Variants in INPP5F observed in about 807,000 individuals in gnomAD.
INPP5F encodes the protein phosphatidylinositide 4-phosphatase SAC2.
A neutral mutation model predicts 137.2 loss-of-function variants in INPP5F; 97 were observed. That is an observed-to-expected ratio of 0.71 (90% CI 0.60 to 0.84). INPP5F has a LOEUF of 0.84. INPP5F is among the 40% of genes least tolerant of loss of function. The pLI, the probability that INPP5F is intolerant of heterozygous loss-of-function variation, is 0.00. For synonymous variants in INPP5F, 504 were observed against 476.9 expected (o/e 1.06, Z -0.74); for missense variants, 1,271 against 1,371.9 (o/e 0.93, Z 1.16).
chr10:119,749,120 G>T (rs1848621449), intron 1 of INPP5F, among the ~76,000 whole-genome samples: 2 of 152,264 alleles, frequency 1.3e-5, no homozygotes, highest in African/African-American at 4.8e-5. Flanking sequence ...ACCAGAGCAG[G>T]TGCTGGGAGC....
chr10:119,750,770 C>T (rs1848668749), intron 1 of INPP5F, among the ~76,000 whole-genome samples: 1 of 152,154 alleles, frequency 6.6e-6, no homozygotes, highest in Non-Finnish European at 1.5e-5. Flanking sequence ...CTCCGTTTGT[C>T]CTCTTGTAGT....
intron 13 of INPP5F, among the ~76,000 whole-genome samples, chr10:119,809,611 G>C (rs1202827532): frequency 1.3e-5 from 2 of 152,196 alleles, no homozygotes; most frequent in African/African-American, 4.8e-5. Flanking sequence ...AGGTGCTGGT[G>C]ATGTGCAGCA....
At chr10:119,776,381 G>A (rs764624722) in intron 2 of INPP5F, among the ~76,000 whole-genome samples, 54 of 151,914 alleles carry the variant, frequency 3.6e-4, no homozygotes, top group Non-Finnish European at 6.5e-4. Context: ...GAATGTGTAA[G>A]TTGAGTTTAA....
chr10:119,822,653 T>G lies in INPP5F; in HGVS notation c.2032+149T>G, dbSNP rs775014770. The G allele has an allele frequency of 5.4e-6, 3 of 553,214 alleles. No homozygotes were observed. In the East Asian group the frequency reaches 9.0e-5, roughly 17 times the overall value. 34.3% of individuals were successfully genotyped at this position (553,214 alleles called of 1,614,324 possible). A position where few individuals can be genotyped will look rare whatever the true frequency, so the allele number is the denominator to read the frequency against. On this transcript the variant is annotated intron_variant, in intron 17 of 19. Transcript: ENST00000650623. ...TTTCCATTTGTTGTTAGTAGCATTT[T>G]GATGAGGTCTAGGGAATAGGTATGA...
intron 18 of INPP5F, 61 bp downstream of exon 18, chr10:119,823,260 A>G: frequency 6.5e-7 from 1 of 1,528,988 alleles, no homozygotes; most frequent in Non-Finnish European, 8.9e-7. Context: ...TTAAAAGCCC[A>G]AATGGAATTG....
At chr10:119,750,940 A>G (rs1040894956) in intron 1 of INPP5F, 136 bp from the exon 2 acceptor site, 2 of 652,696 alleles carry the variant, frequency 3.1e-6, no homozygotes, top group Non-Finnish European at 5.5e-6. Context: ...AAATTGCTTT[A>G]TGGTAATGTA....
rs150012591 is a variant in INPP5F, at chr10:119,797,430, G to A, written c.869-31G>A. On this transcript the variant is annotated intron_variant, in intron 7 of 19. Coordinates refer to ENST00000650623, the MANE Select transcript of INPP5F (RefSeq NM_014937.4). ...CCAGACTAAATAAATTTTTTAAAAT[G>A]TTGCTGTTTTCTGTTTTAATTTTCT... is the stretch of plus-strand genomic sequence containing the variant. 1,796 of 1,532,700 alleles carry A rather than the reference G, an allele frequency of 1.2e-3. 18 individuals are homozygous for A. In the African/African-American group the frequency reaches 0.021, roughly 18 times the overall value. 94.9% of individuals were successfully genotyped at this position (1,532,700 alleles called of 1,614,324 possible). A position where few individuals can be genotyped will look rare whatever the true frequency, so the allele number is the denominator to read the frequency against.
intron 2 of INPP5F, among the ~76,000 whole-genome samples, chr10:119,751,767 A>C (rs965099083): frequency 6.6e-6 from 1 of 152,128 alleles, no homozygotes; most frequent in Admixed American, 6.5e-5. Context: ...ATGAAATTTT[A>C]TTTTTTCTTT....
intron 2 of INPP5F, among the ~76,000 whole-genome samples, chr10:119,758,889 C>T (rs1239446510): frequency 6.6e-6 from 1 of 152,168 alleles, no homozygotes; most frequent in Non-Finnish European, 1.5e-5. Flanking sequence ...GATTTTAATA[C>T]TGATTTTAGT....
chr10:119,794,382 A>G (rs149270327), intron 6 of INPP5F, among the ~76,000 whole-genome samples: 8,399 of 152,270 alleles, frequency 0.055, 772 homozygotes, highest in African/African-American at 0.19. Flanking sequence ...AATTTTTCTT[A>G]GTGCAGAACA....
chr10:119,823,972 CA>C, intron 19 of INPP5F, 70 bp downstream of exon 19: 1 of 1,204,248 alleles, frequency 8.3e-7, no homozygotes, highest in Non-Finnish European at 1.2e-6. Flanking sequence ...AAATTATTTG[CA>C]GGGGGAAAGG....
At chr10:119,795,168 G>A (rs1184144382) in intron 6 of INPP5F, among the ~76,000 whole-genome samples, 4 of 147,966 alleles carry the variant, frequency 2.7e-5, no homozygotes, top group African/African-American at 5.0e-5. Context: ...GCGGCTGGCC[G>A]GGCAGAGGGG....
intron 1 of INPP5F, among the ~76,000 whole-genome samples, chr10:119,744,878 C>T (rs1225020301): frequency 6.6e-6 from 1 of 152,178 alleles, no homozygotes; most frequent in East Asian, 1.9e-4. Context: ...GTTATTTCTT[C>T]TTGATCATCT....
At chr10:119,794,592 G>A (rs1160905380) in intron 6 of INPP5F, among the ~76,000 whole-genome samples, 2 of 151,692 alleles carry the variant, frequency 1.3e-5, no homozygotes, top group Non-Finnish European at 2.9e-5. Context: ...TCCAGTAGGG[G>A]CGGCCGGGCA....
At chr10:119,798,034 GT>G (rs71019721) in intron 8 of INPP5F, among the ~76,000 whole-genome samples, 91 of 147,900 alleles carry the variant, frequency 6.2e-4, no homozygotes, top group Middle Eastern at 3.5e-3. Flanking sequence ...TTCTGTGAAA[GT>G]TTTTTTTTTT....
intron 1 of INPP5F, among the ~76,000 whole-genome samples, chr10:119,743,125 G>C (rs1848426527): frequency 6.6e-6 from 1 of 152,256 alleles, no homozygotes; most frequent in African/African-American, 2.4e-5. Flanking sequence ...AAATAGACCA[G>C]ATGAGATGAC....
In INPP5F at chr10:119,827,654, T is replaced by A; in HGVS notation, c.3273T>A (p.His1091Gln). Residue 1091 changes from histidine to glutamine, a missense_variant, in exon 20 of 20, where the codon CAT becomes CAA. This residue lies in a region of INPP5F where 490 missense variants were observed against 443.7 expected (regional missense o/e 1.10). Coordinates refer to ENST00000650623, the MANE Select transcript of INPP5F (RefSeq NM_014937.4). Reference protein sequence around the residue: ...VASITQAGLTHGINFAVSKVQ... With the variant: ...VASITQAGLTQGINFAVSKVQ... ...GTATTACCCAAGCTGGATTAACCCA[T>A]GGGATAAACTTTGCAGTGTCAAAAG... The A allele has an allele frequency of 1.2e-6, 2 of 1,614,130 alleles. No individual in the cohort carries two copies. Among genetic ancestry groups the A allele is most frequent in the Non-Finnish European group, 1.7e-6 (2 of 1,180,008 alleles).
At chr10:119,794,171 C>G (rs543558827) in intron 6 of INPP5F, among the ~76,000 whole-genome samples, 1 of 151,730 alleles carries the variant, frequency 6.6e-6, no homozygotes, top group Non-Finnish European at 1.5e-5. Flanking sequence ...TGCGGCCTTC[C>G]GCAGTGTTTG....
intron 15 of INPP5F, among the ~76,000 whole-genome samples, chr10:119,818,501 C>T (rs1851384839): frequency 6.6e-6 from 1 of 152,224 alleles, no homozygotes; most frequent in Non-Finnish European, 1.5e-5. Context: ...AGGCACTGTC[C>T]CTGACGAAGG....
Sources: gnomAD v4.1 joint callset for allele counts (sites outside exome capture counted in the v4.1 genomes callset) on GRCh38, gnomAD v4.1.1 for gene constraint, gnomAD v4.1.1 regional missense constraint, MANE v1.5 for transcripts, NCBI Gene and HGNC (gene_info 2026-07-23, HGNC 2026-07-21) for gene names.